The following ITGA11 variants were observed in gnomAD, a reference collection of about 807,000 sequenced individuals.
ITGA11 encodes integrin subunit alpha 11, also known as integrin alpha-11.
A neutral mutation model predicts 141.9 loss-of-function variants in ITGA11; 97 were observed. The observed-to-expected ratio is 0.68, with a 90% confidence interval of 0.58 to 0.81. The LOEUF (loss-of-function observed/expected upper bound fraction) is 0.81, where lower values mean the gene tolerates loss of function less well. Among genes scored for constraint, ITGA11 ranks in the 30% least tolerant of loss-of-function variants. The pLI, the probability that ITGA11 is intolerant of heterozygous loss-of-function variation, is 0.00. For missense variants in ITGA11, 1,387 were observed against 1,559.2 expected, an observed-to-expected ratio of 0.89 and a Z score of 1.86; for synonymous variants, 658 against 624.6, an observed-to-expected ratio of 1.05 and a Z score of -0.80.
intron 1 of ITGA11, among the ~76,000 whole-genome samples, chr15:68,410,820 C>T (rs1003240749): frequency 2.0e-5 from 3 of 152,156 alleles, no homozygotes; most frequent in Non-Finnish European, 2.9e-5. Context: ...GGGACGTGGT[C>T]CCTACATCAG....
At chr15:68,406,424 A>G (rs183882397) in intron 1 of ITGA11, among the ~76,000 whole-genome samples, 1 of 152,038 alleles carries the variant, frequency 6.6e-6, no homozygotes, top group East Asian at 1.9e-4. Flanking sequence ...TCTGCTCAGC[A>G]TCTTTGCCGT....
chr15:68,310,599 A>G (rs1893347803), intron 26 of ITGA11, among the ~76,000 whole-genome samples: 1 of 152,216 alleles, frequency 6.6e-6, no homozygotes, highest in Non-Finnish European at 1.5e-5. Context: ...AATGTCTCCA[A>G]TACAAGCCAC....
chr15:68,336,562 C>T (rs1026014434), intron 11 of ITGA11, among the ~76,000 whole-genome samples: 7 of 152,182 alleles, frequency 4.6e-5, no homozygotes, highest in East Asian at 1.9e-4. Context: ...AATCTCAAGT[C>T]GCCCACCCAG....
At chr15:68,412,668 CTTTTTTTTTTTTT>C (rs71145169) in intron 1 of ITGA11, among the ~76,000 whole-genome samples, 5 of 59,246 alleles carry the variant, frequency 8.4e-5, no homozygotes, top group Non-Finnish European at 1.5e-4. Flanking sequence ...AACTTATTCG[CTTTTTTTTTTTTT>C]TTTTTTTTTT....
At chr15:68,407,909 C>A (rs1896685676) in intron 1 of ITGA11, among the ~76,000 whole-genome samples, 1 of 152,228 alleles carries the variant, frequency 6.6e-6, no homozygotes, top group Admixed American at 6.5e-5. Flanking sequence ...CAGTGTATGG[C>A]TAAGGCCATT....
rs1893019037 is a variant in ITGA11 at position 68,301,322 on chromosome 15, T to G, written c.*1737A>C. 6.6e-6 allele frequency: 1 copy of G among 152,226 alleles called. No individual in the cohort carries two copies. Among genetic ancestry groups the G allele is most frequent in the South Asian group, 2.1e-4 (1 of 4,830 alleles). 9.4% of individuals were successfully genotyped at this position (152,226 alleles called of 1,614,324 possible). ...AGACATGAATGGCACAAGAACAGAATGGAGACGCCTTGGCTGATGTCAGAG... is the reference window on the plus strand; with the variant it reads ...AGACATGAATGGCACAAGAACAGAAGGGAGACGCCTTGGCTGATGTCAGAG... On this transcript the variant is annotated 3_prime_UTR_variant, in exon 30 of 30. Transcript: ENST00000315757. The surrounding 1 kb of genome is among the most constrained non-coding windows in gnomAD (Gnocchi z 4.4).
chr15:68,358,461 G>C lies in ITGA11; in HGVS notation c.597C>G (p.Ile199Met). The C allele has an allele frequency of 6.2e-7, 1 of 1,608,682 alleles. No homozygotes were observed. Among genetic ancestry groups the C allele is most frequent in the East Asian group, 2.2e-5 (1 of 44,802 alleles). The change falls in exon 6 of 30, where the codon ATC (isoleucine) becomes ATG (methionine). Residue 199 changes from isoleucine (I) to methionine (M), a missense_variant. Transcript: ENST00000315757. Reference protein sequence around the residue: ...LKKFYIGPGQIQVGVVQYGED... With the variant: ...LKKFYIGPGQMQVGVVQYGED... The stretch of plus-strand genomic sequence containing the variant: ...AAAGAGCCCAAGAGATGCTCACCTG[G>C]ATCTGCCCTGGGCCAATGTAAAACT...
chr15:68,431,069 G>T (rs537834449), intron 1 of ITGA11, among the ~76,000 whole-genome samples: 145 of 152,378 alleles, frequency 9.5e-4, no homozygotes, highest in African/African-American at 3.1e-3. Context: ...GGCCCTTGCC[G>T]GAGCACTTGG....
Position 68,303,193 on chromosome 15 carries a change from T to G in ITGA11, c.3496-63A>C. On this transcript the variant is annotated intron_variant, in intron 29 of 29. Transcript: ENST00000315757. This position sits in a 1 kb window ranked among gnomAD's most constrained non-coding sequence, Gnocchi z 5.3. ...AGGGTGGGCAAGGCCTGCCCCAGCT[T>G]TCCCTCCACTACCTTTCCTTGGGAT... 7.3e-7 allele frequency: 1 copy of G among 1,373,576 alleles called. No homozygotes were observed. The highest frequency in any genetic ancestry group is 1.4e-5 in the African/African-American group (1 of 69,080). 85.1% of individuals were successfully genotyped at this position (1,373,576 alleles called of 1,614,324 possible).
At chr15:68,346,595 C>T (rs549896132) in intron 10 of ITGA11, among the ~76,000 whole-genome samples, 96 of 152,212 alleles carry the variant, frequency 6.3e-4, no homozygotes, top group Non-Finnish European at 9.7e-4. Flanking sequence ...ACAAAGGAAA[C>T]ATTGGGACAT....
Position 68,376,819 on chromosome 15 carries a change from T to C in ITGA11, c.165-7535A>G, listed in dbSNP as rs1265157033. 2.0e-5 allele frequency among the ~76,000 whole-genome samples: 3 copies of C among 152,230 alleles called. No individual in the cohort carries two copies. In the East Asian group the frequency reaches 5.8e-4, roughly 29 times the overall value. ...GGGCAGTGGTTTCCACACTTGCTGGTCATCAGGATCACCAGGGGAGGTACA... is the reference window on the plus strand; with the variant it reads ...GGGCAGTGGTTTCCACACTTGCTGGCCATCAGGATCACCAGGGGAGGTACA... On this transcript the variant is annotated intron_variant, in intron 2 of 29. Coordinates refer to ENST00000315757, the MANE Select transcript of ITGA11 (RefSeq NM_001004439.2).
chr15:68,307,603 A>G lies in ITGA11; in HGVS notation c.3268T>C (p.Leu1090=), dbSNP rs755551792. 1.9e-5 allele frequency: 30 copies of G among 1,612,982 alleles called. No individual in the cohort carries two copies. The highest frequency in any genetic ancestry group is 2.3e-5 in the Non-Finnish European group (27 of 1,179,214). Residue 1090 remains leucine, a synonymous_variant, in exon 27 of 30, where the codon TTG becomes CTG. Transcript: ENST00000315757. The surrounding 1 kb of genome is among the most constrained non-coding windows in gnomAD (Gnocchi z 6.1). ...CTACTTACTGCTTTTAGGGACCTCA[A>G]CCACAGGTTCCCCAGTAGATGGAAA... ...INFHLLGNLW[L]RSLKALKYKS... is the part of the protein sequence containing the mutation.
At chr15:68,431,976 A>C in intron 1 of ITGA11, 39 bp downstream of exon 1, 2 of 1,271,674 alleles carry the variant, frequency 1.6e-6, no homozygotes, top group Non-Finnish European at 2.0e-6. Context: ...CCAGGGAGGG[A>C]CTCCGAGAGG....
At position 68,298,029 on chromosome 15, in the gene ITGA11, G is replaced by C. The variant is rs1322690467; in HGVS notation, c.*5030C>G. 1.3e-5 allele frequency: 2 copies of C among 152,194 alleles called. No homozygotes were observed. The highest frequency in any genetic ancestry group is 4.8e-5 in the African/African-American group (2 of 41,448). The allele number at this position is 152,194 out of a possible 1,614,324, so 9.4% of individuals were successfully genotyped here. ...ATCTCTGCTAGGTCACTCCCTGGCT[G>C]CAATAACCTAGTGAGACTGCGGAAA... On this transcript the variant is annotated 3_prime_UTR_variant, in exon 30 of 30. Coordinates refer to ENST00000315757, the MANE Select transcript of ITGA11 (RefSeq NM_001004439.2).
intron 22 of ITGA11, among the ~76,000 whole-genome samples, chr15:68,314,286 A>C (rs1327929127): frequency 6.6e-6 from 1 of 152,176 alleles, no homozygotes; most frequent in Non-Finnish European, 1.5e-5. Flanking sequence ...AGGAATTCAC[A>C]GTAGAGTCAT....
rs530857070 is a variant in ITGA11, at chr15:68,333,102, T to C, written c.1426-624A>G. Among the ~76,000 whole-genome samples, 166 of 67,920 alleles carry C rather than the reference T, an allele frequency of 2.4e-3. 1 individual carries two copies. Among genetic ancestry groups the C allele is most frequent in the Middle Eastern group, 9.1e-3 (1 of 110 alleles). 44.6% of individuals were successfully genotyped at this position (67,920 alleles called of 152,430 possible). On this transcript the variant is annotated intron_variant, in intron 12 of 29. Transcript: ENST00000315757. The surrounding 1 kb of genome is among the most constrained non-coding windows in gnomAD (Gnocchi z 4.2). ...TGTTTAATCAGTTATTGCTGGACGG[T>C]TAGCTTTTTTTTTTTGAGGCAAGGT... is the stretch of plus-strand genomic sequence containing the variant.
chr15:68,313,191 A>G (rs1365672945), intron 23 of ITGA11, among the ~76,000 whole-genome samples: 1 of 152,018 alleles, frequency 6.6e-6, no homozygotes, highest in Non-Finnish European at 1.5e-5. Context: ...TCCACCCTCT[A>G]GGGATGGCTG....
At chr15:68,403,915 T>G (rs995235512) in intron 1 of ITGA11, among the ~76,000 whole-genome samples, 1 of 152,076 alleles carries the variant, frequency 6.6e-6, no homozygotes, top group African/African-American at 2.4e-5. Flanking sequence ...AAGAAAGGCC[T>G]AATACAGACC....
In ITGA11 at chr15:68,307,406, G is replaced by C; in HGVS notation, c.3323C>G (p.Ala1108Gly). Residue 1108 changes from alanine (A) to glycine (G), a missense_variant, in exon 28 of 30, where the codon GCC becomes GGC. By Grantham distance (60) the Ala-to-Gly change is moderately conservative. Coordinates refer to ENST00000315757, the MANE Select transcript of ITGA11 (RefSeq NM_001004439.2). This position sits in a 1 kb window ranked among gnomAD's most constrained non-coding sequence, Gnocchi z 6.1. Reference sequence around the variant, plus strand: ...GGGGCTGTGGAACTGCCTCTGCAAGGCTGCGTTGACCATGATTTTCATGGA... The same window carrying C: ...GGGGCTGTGGAACTGCCTCTGCAAGCCTGCGTTGACCATGATTTTCATGGA... ...YKSMKIMVNA[A>G]LQRQFHSPFI... The C allele has an allele frequency of 6.4e-7, 1 of 1,558,968 alleles. No individual in the cohort carries two copies. Among genetic ancestry groups the C allele is most frequent in the Non-Finnish European group, 8.7e-7 (1 of 1,150,550 alleles).
Sources: gnomAD v4.1 joint callset for allele counts (sites outside exome capture counted in the v4.1 genomes callset) on GRCh38, gnomAD v4.1.1 for gene constraint, Gnocchi (gnomAD v3.1) non-coding constraint, MANE v1.5 for transcripts, NCBI Gene and HGNC (gene_info 2026-07-23, HGNC 2026-07-21) for gene names.